The following IQCH variants were observed in gnomAD, a reference collection of about 807,000 sequenced individuals.
The protein encoded by IQCH is IQ motif containing H.
Under a neutral mutation model 117.0 loss-of-function variants are expected in IQCH, and 98 were observed. That is an observed-to-expected ratio of 0.84 (90% CI 0.71 to 0.99). The LOEUF (loss-of-function observed/expected upper bound fraction) is 0.99. IQCH is among the 50% of genes least tolerant of loss of function. IQCH has a pLI of 0.00. For missense variants in IQCH, 1,102 were observed against 1,243.8 expected, an observed-to-expected ratio of 0.89 and a Z score of 1.72; for synonymous variants, 412 against 448.2, an observed-to-expected ratio of 0.92 and a Z score of 1.02.
chr15:67,297,692 A>G (rs1434440412), intron 4 of IQCH, among the ~76,000 whole-genome samples: 1 of 152,176 alleles, frequency 6.6e-6, no homozygotes, highest in Admixed American at 6.5e-5. Context: ...TATTGTTTGC[A>G]TGAAACAGGA....
Position 67,445,788 on chromosome 15 carries a change from T to G in IQCH, c.2506-19339T>G, listed in dbSNP as rs1375411391. On this transcript the variant is annotated intron_variant, in intron 16 of 20. Transcript: ENST00000335894. The surrounding 1 kb of genome is among the most constrained non-coding windows in gnomAD (Gnocchi z 4.3). Reference sequence around the variant, plus strand: ...CACAAATGTCTTAATATGTAAATGCTATTAAACCAACCCACTGGAGCTTGA... The same window carrying G: ...CACAAATGTCTTAATATGTAAATGCGATTAAACCAACCCACTGGAGCTTGA... Among the ~76,000 whole-genome samples, 1 of 152,216 alleles carries G rather than the reference T, an allele frequency of 6.6e-6. No individual in the cohort carries two copies. Among genetic ancestry groups the G allele is most frequent in the African/African-American group, 2.4e-5 (1 of 41,460 alleles).
rs569839886 is a variant in IQCH at position 67,460,877 on chromosome 15, T to C, written c.2506-4250T>C. The stretch of plus-strand genomic sequence containing the variant: ...ATTTTTCCCCCACCCTCACATCTAA[T>C]CAATTAACCTGTCAAGCCAGTTATT... On this transcript the variant is annotated intron_variant, in intron 16 of 20. Transcript: ENST00000335894. Among the ~76,000 whole-genome samples the C allele has an allele frequency of 3.3e-5, 5 of 152,280 alleles. No homozygotes were observed. The South Asian group carries it at 1.0e-3, about 32-fold the overall frequency.
At chr15:67,269,529 G>C (rs571870657) in intron 3 of IQCH, among the ~76,000 whole-genome samples, 1 of 152,226 alleles carries the variant, frequency 6.6e-6, no homozygotes, top group African/African-American at 2.4e-5. Flanking sequence ...GAAATGTACA[G>C]TAGAGTAGTG....
intron 6 of IQCH, among the ~76,000 whole-genome samples, chr15:67,350,478 G>A (rs1969606657): frequency 6.6e-6 from 1 of 152,120 alleles, no homozygotes. Context: ...CCAGGTTGGA[G>A]TGCAGTGGTG....
intron 14 of IQCH, among the ~76,000 whole-genome samples, chr15:67,409,489 G>A (rs112630118): frequency 0.013 from 1,945 of 152,312 alleles, 46 homozygotes; most frequent in African/African-American, 0.042. Flanking sequence ...CAACATATGT[G>A]CCTCAGTTGG....
chr15:67,371,189 G>A (rs1036088265), intron 8 of IQCH, among the ~76,000 whole-genome samples: 8 of 151,994 alleles, frequency 5.3e-5, no homozygotes, highest in African/African-American at 1.9e-4. Context: ...CTCTCCCCCA[G>A]CCCCTCCAAG....
In IQCH at chr15:67,447,243, A is replaced by G. The variant is rs1012545081; in HGVS notation, c.2506-17884A>G. On this transcript the variant is annotated intron_variant, in intron 16 of 20. Coordinates refer to ENST00000335894, the MANE Select transcript of IQCH (RefSeq NM_001031715.3). The surrounding 1 kb of genome is among the most constrained non-coding windows in gnomAD (Gnocchi z 5.3). The stretch of plus-strand genomic sequence containing the variant: ...GTGCCTTGCACTTAATAGGCCCTTA[A>G]TCTACATCAGTGTCCCTTCCTCTTT... Among the ~76,000 whole-genome samples, 1 of 152,162 alleles carries G rather than the reference A, an allele frequency of 6.6e-6. No individual in the cohort carries two copies. The highest frequency in any genetic ancestry group is 1.5e-5 in the Non-Finnish European group (1 of 68,018).
chr15:67,348,903 AT>A lies in IQCH; in HGVS notation c.637+4713del, dbSNP rs1341849159. ...AGGACCGTGTGGTATTGGCAAAAGGATAAACACAGAGATCAATGGAACAGAA... is the reference window on the plus strand; with the variant it reads ...AGGACCGTGTGGTATTGGCAAAAGGAAAACACAGAGATCAATGGAACAGAA... On this transcript the variant is annotated intron_variant, in intron 6 of 20. Coordinates refer to ENST00000335894, the MANE Select transcript of IQCH (RefSeq NM_001031715.3). Among the ~76,000 whole-genome samples, 10 of 152,350 alleles carry A rather than the reference AT, an allele frequency of 6.6e-5. No individual in the cohort carries two copies. The East Asian group carries it at 1.7e-3, about 26-fold the overall frequency.
chr15:67,304,113 G>T (rs553994631), intron 4 of IQCH, among the ~76,000 whole-genome samples: 2 of 152,238 alleles, frequency 1.3e-5, no homozygotes, highest in Admixed American at 6.5e-5. Flanking sequence ...GGATGTATTT[G>T]TGGGAGCAAT....
chr15:67,431,241 A>C lies in IQCH; in HGVS notation c.2505+9664A>C, dbSNP rs984200079. ...CTCCCATTCCTGTTCCTCATATAAAAGTCTCTAAACAAATAGATTGGCAAA... is the reference window on the plus strand; with the variant it reads ...CTCCCATTCCTGTTCCTCATATAAACGTCTCTAAACAAATAGATTGGCAAA... On this transcript the variant is annotated intron_variant, in intron 16 of 20. Transcript: ENST00000335894. This position sits in a 1 kb window ranked among gnomAD's most constrained non-coding sequence, Gnocchi z 4.8. Among the ~76,000 whole-genome samples, 2 of 152,244 alleles carry C rather than the reference A, an allele frequency of 1.3e-5. No homozygotes were observed. The highest frequency in any genetic ancestry group is 4.8e-5 in the African/African-American group (2 of 41,462).
chr15:67,415,632 A>G (rs2140904890), intron 14 of IQCH, among the ~76,000 whole-genome samples: 1 of 152,284 alleles, frequency 6.6e-6, no homozygotes, highest in Non-Finnish European at 1.5e-5. Flanking sequence ...ATAGAGGACA[A>G]TCACTTTTTA....
Position 67,391,149 on chromosome 15 carries a change from G to A in IQCH, c.1632+2143G>A, listed in dbSNP as rs910291424. Reference sequence around the variant, plus strand: ...CTGGCTTCTAGTGGACTAGAAGCCAGGAGACAGGCACTCACAGATGCACAT... The same window carrying A: ...CTGGCTTCTAGTGGACTAGAAGCCAAGAGACAGGCACTCACAGATGCACAT... On this transcript the variant is annotated intron_variant, in intron 12 of 20. Coordinates refer to ENST00000335894, the MANE Select transcript of IQCH (RefSeq NM_001031715.3). The surrounding 1 kb of genome is among the most constrained non-coding windows in gnomAD (Gnocchi z 4.3). 1.6e-4 allele frequency among the ~76,000 whole-genome samples: 25 copies of A among 152,108 alleles called. No individual in the cohort carries two copies. The highest frequency in any genetic ancestry group is 5.3e-4 in the African/African-American group (22 of 41,448).
intron 5 of IQCH, among the ~76,000 whole-genome samples, chr15:67,341,533 G>T (rs1969174608): frequency 6.6e-6 from 1 of 152,140 alleles, no homozygotes; most frequent in African/African-American, 2.4e-5. Flanking sequence ...ATTAACCTGT[G>T]GGGGCCAAGA....
At position 67,404,660 on chromosome 15, in the gene IQCH, A is replaced by ATTT. The variant is rs1054189633; in HGVS notation, c.2097+4356_2097+4357insTTT. 1 of 152,202 alleles carries ATTT rather than the reference A, an allele frequency of 6.6e-6. No homozygotes were observed. Among genetic ancestry groups the ATTT allele is most frequent in the Non-Finnish European group, 1.5e-5 (1 of 68,046 alleles). 9.4% of individuals were successfully genotyped at this position (152,202 alleles called of 1,614,324 possible). On this transcript the variant is annotated intron_variant, in intron 14 of 20. Coordinates refer to ENST00000335894, the MANE Select transcript of IQCH (RefSeq NM_001031715.3). The surrounding 1 kb of genome is among the most constrained non-coding windows in gnomAD (Gnocchi z 4.6). ...ATGCTAGTTAAACATCAGATCTTAA[A>ATTT]TATTTTCCATGTTTATACATAGTCG...
chr15:67,447,402 G>A lies in IQCH; in HGVS notation c.2506-17725G>A, dbSNP rs1192274920. 6.6e-6 allele frequency among the ~76,000 whole-genome samples: 1 copy of A among 152,154 alleles called. No individual in the cohort carries two copies. Among genetic ancestry groups the A allele is most frequent in the Non-Finnish European group, 1.5e-5 (1 of 68,034 alleles). On this transcript the variant is annotated intron_variant, in intron 16 of 20. Coordinates refer to ENST00000335894, the MANE Select transcript of IQCH (RefSeq NM_001031715.3). The surrounding 1 kb of genome is among the most constrained non-coding windows in gnomAD (Gnocchi z 5.3). ...GAATCTTTCCTACAAACACGAGTCT[G>A]TAGGAAACAGTGGCAAAGTCATGGA...
intron 10 of IQCH, among the ~76,000 whole-genome samples, chr15:67,378,001 T>C (rs1166156984): frequency 6.6e-6 from 1 of 152,154 alleles, no homozygotes; most frequent in Non-Finnish European, 1.5e-5. Context: ...TTCCAGCTCA[T>C]GTGTACTTTC....
chr15:67,353,806 A>G (rs554247777), intron 6 of IQCH, among the ~76,000 whole-genome samples: 164 of 152,370 alleles, frequency 1.1e-3, no homozygotes, highest in African/African-American at 3.7e-3. Flanking sequence ...AAATCATAGT[A>G]TGGTAACTTT....
In IQCH at chr15:67,391,569, T is replaced by C. The variant is rs1971285531; in HGVS notation, c.1632+2563T>C. Among the ~76,000 whole-genome samples, 1 of 152,186 alleles carries C rather than the reference T, an allele frequency of 6.6e-6. No individual in the cohort carries two copies. Among genetic ancestry groups the C allele is most frequent in the African/African-American group, 2.4e-5 (1 of 41,432 alleles). ...TGTTTATGAAGACATCCTAAACAAC[T>C]ACCTTTTATCTCAGGTCAAAAAAAA... On this transcript the variant is annotated intron_variant, in intron 12 of 20. Transcript: ENST00000335894. This position sits in a 1 kb window ranked among gnomAD's most constrained non-coding sequence, Gnocchi z 4.3.
chr15:67,400,487 T>TTTCC (rs150838253), intron 14 of IQCH, among the ~76,000 whole-genome samples, 182 bp downstream of exon 14: 4 of 66,428 alleles, frequency 6.0e-5, no homozygotes, highest in Non-Finnish European at 1.2e-4. Context: ...GAGTTCTTTT[T>TTTCC]TTTCTTTTTT....
Sources: gnomAD v4.1 joint callset for allele counts (sites outside exome capture counted in the v4.1 genomes callset) on GRCh38, gnomAD v4.1.1 for gene constraint, Gnocchi (gnomAD v3.1) non-coding constraint, MANE v1.5 for transcripts, NCBI Gene and HGNC (gene_info 2026-07-23, HGNC 2026-07-21) for gene names.